OPCML: variants seen among roughly 807,000 people sequenced by gnomAD.
The protein encoded by OPCML is opioid binding protein/cell adhesion molecule like.
In OPCML, 13 loss-of-function variants were observed where a neutral mutation model predicts 37.8. The ratio of observed to expected loss-of-function variants is 0.34; its 90% CI spans 0.22 to 0.55. OPCML has a LOEUF of 0.55. Ranked by LOEUF, OPCML falls within the 20% of genes least tolerant of loss-of-function variation. OPCML has a pLI of 0.91. For missense variants in OPCML, 341 were observed against 435.6 expected, an observed-to-expected ratio of 0.78 and a Z score of 1.93; for synonymous variants, 176 against 168.8, an observed-to-expected ratio of 1.04 and a Z score of -0.33.
intron 6 of OPCML, 71 bp downstream of exon 6, chr11:132,436,588 C>T (rs1384802771): frequency 1.9e-6 from 3 of 1,586,490 alleles, no homozygotes; most frequent in Non-Finnish European, 2.6e-6. Flanking sequence ...TCTTCATCCT[C>T]ATCCTTCTCC....
At chr11:133,345,918 G>A (rs11824004) in intron 1 of OPCML, among the ~76,000 whole-genome samples, 1,561 of 152,110 alleles carry the variant, frequency 0.01, 28 homozygotes, top group African/African-American at 0.034. Flanking sequence ...TCTAGATTTC[G>A]TCTAATCAAT....
chr11:133,002,779 G>A (rs1591899960), intron 1 of OPCML, among the ~76,000 whole-genome samples: 1 of 5,046 alleles, frequency 2.0e-4, no homozygotes, highest in Non-Finnish European at 2.7e-4. Context: ...AGGAAAGAGA[G>A]GGGGGGGTGG....
intron 1 of OPCML, among the ~76,000 whole-genome samples, chr11:133,114,737 G>C (rs901904612): frequency 1.3e-5 from 2 of 152,024 alleles, no homozygotes; most frequent in African/African-American, 4.8e-5. Flanking sequence ...AATAGTACTT[G>C]GAATTGAGTG....
chr11:133,218,335 G>A (rs1037603419), intron 1 of OPCML, among the ~76,000 whole-genome samples: 1 of 152,106 alleles, frequency 6.6e-6, no homozygotes. Context: ...AGTTTGTGCT[G>A]AAATACAAGG....
At chr11:132,670,401 A>G (rs1942419865) in intron 2 of OPCML, among the ~76,000 whole-genome samples, 2 of 152,202 alleles carry the variant, frequency 1.3e-5, no homozygotes, top group African/African-American at 4.8e-5. Flanking sequence ...CAAGACCACA[A>G]AGGCCATTCT....
At chr11:132,525,876 A>C (rs528989388) in intron 4 of OPCML, 7 of 152,124 alleles carry the variant, frequency 4.6e-5, no homozygotes, top group Non-Finnish European at 1.0e-4. Context: ...TTTTCAAAGG[A>C]AACAATTTTT....
In OPCML at chr11:133,140,994, A is replaced by AAGACGAAGACGAAGAC. The variant is rs1565468938; in HGVS notation, c.62-197985_62-197984insGTCTTCGTCTTCGTCT. 2.7e-3 allele frequency among the ~76,000 whole-genome samples: 11 copies of AAGACGAAGACGAAGAC among 4,084 alleles called. 5 individuals are homozygous for AAGACGAAGACGAAGAC. The highest frequency in any genetic ancestry group is 4.7e-3 in the African/African-American group (11 of 2,318). 2.7% of individuals were successfully genotyped at this position (4,084 alleles called of 152,430 possible). On this transcript the variant is annotated intron_variant, in intron 1 of 7. Coordinates refer to ENST00000524381, the MANE Select transcript of OPCML (RefSeq NM_001012393.5). ...AAGAAGAAGAAGAAGAAGAAGAAGA[A>AAGACGAAGACGAAGAC]GAAGACGACGACGACGACGACGACG...
chr11:133,083,262 C>T (rs544727877), intron 1 of OPCML, among the ~76,000 whole-genome samples: 67 of 152,274 alleles, frequency 4.4e-4, no homozygotes, highest in African/African-American at 1.5e-3. Flanking sequence ...GCGGGCTTTG[C>T]CTGAGCCGGG....
intron 4 of OPCML, among the ~76,000 whole-genome samples, chr11:132,516,675 A>C (rs1244590514): frequency 6.8e-6 from 1 of 147,672 alleles, no homozygotes; most frequent in Non-Finnish European, 1.5e-5. Flanking sequence ...GCTCTTCATA[A>C]AGTTTTTCCA....
At chr11:132,898,785 A>G (rs1591772697) in intron 2 of OPCML, among the ~76,000 whole-genome samples, 2 of 152,178 alleles carry the variant, frequency 1.3e-5, no homozygotes, top group African/African-American at 4.8e-5. Flanking sequence ...AGAGAGAGTA[A>G]TGTTTCCATC....
chr11:133,185,402 C>G (rs1349049380), intron 1 of OPCML, among the ~76,000 whole-genome samples: 3 of 152,130 alleles, frequency 2.0e-5, no homozygotes, highest in Non-Finnish European at 2.9e-5. Context: ...CTTTATTTCA[C>G]TGTGTCAGCA....
chr11:132,541,230 G>A (rs568283853), intron 3 of OPCML, among the ~76,000 whole-genome samples: 65 of 152,240 alleles, frequency 4.3e-4, no homozygotes, highest in African/African-American at 1.5e-3. Context: ...CCTTCCTGGA[G>A]CGAGTTTCAG....
chr11:132,858,224 G>A (rs1366051982), intron 2 of OPCML, among the ~76,000 whole-genome samples: 1 of 152,128 alleles, frequency 6.6e-6, no homozygotes, highest in Non-Finnish European at 1.5e-5. Flanking sequence ...TCAGGCTCTG[G>A]GGTTGTCACC....
At chr11:132,594,567 T>A (rs1461153299) in intron 3 of OPCML, among the ~76,000 whole-genome samples, 1 of 152,202 alleles carries the variant, frequency 6.6e-6, no homozygotes, top group Non-Finnish European at 1.5e-5. Context: ...AATTCAAAAA[T>A]AATTTTGGGT....
intron 2 of OPCML, among the ~76,000 whole-genome samples, chr11:132,734,675 A>T (rs902536006): frequency 6.6e-6 from 1 of 152,208 alleles, no homozygotes; most frequent in Non-Finnish European, 1.5e-5. Context: ...GTTTTAATCC[A>T]CTATGGATTG....
chr11:132,709,648 C>A (rs765905566), intron 2 of OPCML, among the ~76,000 whole-genome samples: 5 of 152,142 alleles, frequency 3.3e-5, no homozygotes, highest in Non-Finnish European at 5.9e-5. Flanking sequence ...TGTTGTCCAC[C>A]AGAATCCTCC....
intron 2 of OPCML, among the ~76,000 whole-genome samples, chr11:132,923,841 G>A (rs1053694880): frequency 1.2e-4 from 16 of 130,758 alleles, no homozygotes; most frequent in East Asian, 2.4e-4. Flanking sequence ...TCGGCTCACC[G>A]CAACCCCCGC....
At chr11:132,743,299 G>A (rs903613483) in intron 2 of OPCML, among the ~76,000 whole-genome samples, 1 of 152,068 alleles carries the variant, frequency 6.6e-6, no homozygotes, top group African/African-American at 2.4e-5. Context: ...GAAGTAGACT[G>A]CACACCGCAT....
Position 132,420,132 on chromosome 11 carries a change from T to G in OPCML, c.*61A>C. On this transcript the variant is annotated 3_prime_UTR_variant, in exon 8 of 8. Transcript: ENST00000524381. ...GCCCAAGCTGGTTTGCTCTCCGCAG[T>G]GTAGATTAAAGTCTGTGATATGGAG... 14 of 1,428,990 alleles carry G rather than the reference T, an allele frequency of 9.8e-6. No individual in the cohort carries two copies. Among genetic ancestry groups the G allele is most frequent in the Non-Finnish European group, 1.3e-5 (13 of 1,016,070 alleles). 88.5% of individuals were successfully genotyped at this position (1,428,990 alleles called of 1,614,324 possible).
Sources: gnomAD v4.1 joint callset for allele counts (sites outside exome capture counted in the v4.1 genomes callset) on GRCh38, gnomAD v4.1.1 for gene constraint, MANE v1.5 for transcripts, NCBI Gene and HGNC (gene_info 2026-07-23, HGNC 2026-07-21) for gene names.